Variants in BPNT1 observed in about 807,000 individuals in gnomAD.
BPNT1 encodes 3'(2'), 5'-bisphosphate nucleotidase 1, also known as 3'(2'),5'-bisphosphate nucleotidase 1.
Under a neutral mutation model 36.9 loss-of-function variants are expected in BPNT1, and 28 were observed. The ratio of observed to expected loss-of-function variants is 0.76; its 90% CI spans 0.56 to 1.04. The LOEUF is 1.04. Ranked by LOEUF, BPNT1 falls within the 50% of genes least tolerant of loss-of-function variation. The pLI, the probability that BPNT1 is intolerant of heterozygous loss-of-function variation, is 0.00. For synonymous variants in BPNT1, 119 were observed against 130.9 expected (o/e 0.91, Z 0.62); for missense variants, 313 against 372.9 (o/e 0.84, Z 1.32).
chr1:220,069,406 A>G lies in BPNT1; in HGVS notation c.360T>C (p.Asp120=), dbSNP rs377231446. The change falls in exon 5 of 9, where the codon GAT becomes GAC. Residue 120 remains aspartate (D), a synonymous_variant. Transcript: ENST00000322067. ...EDLVVWVDPL[D]GTKEYTEGLL... ...AACCTTCGGTATATTCCTTGGTTCCATCCAGAGGATCAACCCAGACCACGA... is the reference window on the plus strand; with the variant it reads ...AACCTTCGGTATATTCCTTGGTTCCGTCCAGAGGATCAACCCAGACCACGA... 3 of 1,607,478 alleles carry G rather than the reference A, an allele frequency of 1.9e-6. No homozygotes were observed. The highest frequency in any genetic ancestry group is 2.5e-6 in the Non-Finnish European group (3 of 1,177,274).
At chr1:220,083,563 G>A (rs1655422399) in intron 1 of BPNT1, among the ~76,000 whole-genome samples, 1 of 151,428 alleles carries the variant, frequency 6.6e-6, no homozygotes, top group Non-Finnish European at 1.5e-5. Flanking sequence ...CACTCGCCTC[G>A]GCCTCGCAAA....
At chr1:220,068,733 C>T (rs1663775833) in intron 5 of BPNT1, among the ~76,000 whole-genome samples, 1 of 152,106 alleles carries the variant, frequency 6.6e-6, no homozygotes, top group African/African-American at 2.4e-5. Context: ...CAGCTTGAAC[C>T]TGGGAGGCAG....
chr1:220,060,142 C>A (rs1248117860), intron 7 of BPNT1, among the ~76,000 whole-genome samples: 1 of 152,010 alleles, frequency 6.6e-6, no homozygotes, highest in Non-Finnish European at 1.5e-5. Flanking sequence ...ACATTTACAG[C>A]AGAATTAATT....
intron 1 of BPNT1, among the ~76,000 whole-genome samples, chr1:220,081,678 C>T (rs1655139338): frequency 2.0e-5 from 3 of 152,232 alleles, no homozygotes; most frequent in Middle Eastern, 3.4e-3. Context: ...TGGCTTTCAG[C>T]TGCCATCTTT....
intron 7 of BPNT1, among the ~76,000 whole-genome samples, chr1:220,060,380 G>A (rs949143008): frequency 1.3e-5 from 2 of 152,086 alleles, no homozygotes; most frequent in East Asian, 3.9e-4. Flanking sequence ...GGAGGCTGAG[G>A]CACGAGAATC....
At position 220,079,713 on chromosome 1, in the gene BPNT1, G is replaced by A. The variant is rs140523636; in HGVS notation, c.120+14C>T. Reference sequence around the variant, plus strand: ...AAATCAAGTTGGTATGAAATGATATGAGAGTTTGAGTACCTTCTCCACAAT... The same window carrying A: ...AAATCAAGTTGGTATGAAATGATATAAGAGTTTGAGTACCTTCTCCACAAT... On this transcript the variant is annotated intron_variant, in intron 2 of 8. Coordinates refer to ENST00000322067, the MANE Select transcript of BPNT1 (RefSeq NM_006085.6). 2.9e-4 allele frequency: 469 copies of A among 1,613,540 alleles called. 3 individuals are homozygous for A. The African/African-American group carries it at 5.0e-3, about 17-fold the overall frequency.
intron 4 of BPNT1, among the ~76,000 whole-genome samples, chr1:220,071,663 A>G (rs1202254820): frequency 6.6e-6 from 1 of 152,152 alleles, no homozygotes; most frequent in East Asian, 1.9e-4. Context: ...AGAGTCCATA[A>G]TGAAACCCAT....
At chr1:220,073,346 G>A (rs1664248457) in intron 3 of BPNT1, among the ~76,000 whole-genome samples, 1 of 151,458 alleles carries the variant, frequency 6.6e-6, no homozygotes. Flanking sequence ...TGGAGTGCAG[G>A]GACACCATCT....
chr1:220,065,988 T>A, intron 6 of BPNT1: 1 of 945,458 alleles, frequency 1.1e-6, no homozygotes, highest in South Asian at 1.8e-5. Context: ...GTATGTGGGA[T>A]GTACAATGAC....
In BPNT1 at chr1:220,080,266, G is replaced by A. The variant is rs546078376; in HGVS notation, c.-8-412C>T. Among the ~76,000 whole-genome samples, 20 of 152,288 alleles carry A rather than the reference G, an allele frequency of 1.3e-4. No individual in the cohort carries two copies. The South Asian group carries it at 2.1e-3, about 16-fold the overall frequency. On this transcript the variant is annotated intron_variant, in intron 1 of 8. Coordinates refer to ENST00000322067, the MANE Select transcript of BPNT1 (RefSeq NM_006085.6). ...TGTAGATAAAATAAGGTAACCTAAC[G>A]TCTATAACATAAAACTAGGCAGCGC...
chr1:220,062,424 G>A (rs927961583), intron 7 of BPNT1, among the ~76,000 whole-genome samples: 1 of 151,850 alleles, frequency 6.6e-6, no homozygotes, highest in Non-Finnish European at 1.5e-5. Context: ...ATAGTTTACT[G>A]AGAATGATGA....
At position 220,057,800 on chromosome 1, in the gene BPNT1, A is replaced by G; in HGVS notation, c.*1044T>C. 1 of 1,181,104 alleles carries G rather than the reference A, an allele frequency of 8.5e-7. No homozygotes were observed. Among genetic ancestry groups the G allele is most frequent in the Non-Finnish European group, 1.1e-6 (1 of 878,268 alleles). 73.2% of individuals were successfully genotyped at this position (1,181,104 alleles called of 1,614,324 possible). ...TCATAAGCATATATAATAACATCAT[A>G]TATATTCTTAATTGGAGTAGAAACG... On this transcript the variant is annotated 3_prime_UTR_variant, in exon 9 of 9. Transcript: ENST00000322067.
At position 220,072,852 on chromosome 1, in the gene BPNT1, C is replaced by A; in HGVS notation, c.331G>T (p.Asp111Tyr). 9 of 1,612,480 alleles carry A rather than the reference C, an allele frequency of 5.6e-6. No individual in the cohort carries two copies. Among genetic ancestry groups the A allele is most frequent in the Non-Finnish European group, 7.6e-6 (9 of 1,178,526 alleles). The stretch of plus-strand genomic sequence containing the variant: ...TTGAGTATAAATATGGGTCATACAT[C>A]TTCTTCTTTAATAGCACTGTACTGC... ...PSQYSAIKEE[D>Y]LVVWVDPLDG... The change falls in exon 4 of 9, where the codon GAT becomes TAT. Residue 111 changes from aspartate to tyrosine, a missense_variant and splice_region_variant. Asp to Tyr is a radical substitution (Grantham distance 160). Coordinates refer to ENST00000322067, the MANE Select transcript of BPNT1 (RefSeq NM_006085.6).
At chr1:220,083,212 G>C (rs1655371831) in intron 1 of BPNT1, among the ~76,000 whole-genome samples, 2 of 150,102 alleles carry the variant, frequency 1.3e-5, no homozygotes, top group African/African-American at 4.9e-5. Flanking sequence ...ACTCCAGCCT[G>C]GGCGACAGAG....
chr1:220,068,236 T>C (rs1663721229), intron 5 of BPNT1, among the ~76,000 whole-genome samples: 1 of 151,988 alleles, frequency 6.6e-6, no homozygotes, highest in African/African-American at 2.4e-5. Flanking sequence ...CAGGCTGGAG[T>C]GCAGTGGCAT....
At chr1:220,081,945 C>T (rs1655165178) in intron 1 of BPNT1, among the ~76,000 whole-genome samples, 1 of 151,540 alleles carries the variant, frequency 6.6e-6, no homozygotes, top group Non-Finnish European at 1.5e-5. Flanking sequence ...AAACCTCTTC[C>T]ACTTTATCTC....
chr1:220,083,277 G>A (rs1033185593), intron 1 of BPNT1, among the ~76,000 whole-genome samples: 4 of 150,724 alleles, frequency 2.7e-5, no homozygotes, highest in African/African-American at 4.9e-5. Context: ...AATGAATACC[G>A]TACTGTGACC....
At chr1:220,081,324 C>T (rs1298493976) in intron 1 of BPNT1, among the ~76,000 whole-genome samples, 1 of 152,136 alleles carries the variant, frequency 6.6e-6, no homozygotes. Flanking sequence ...GGGCAGCTCA[C>T]CTGAGGTCAG....
At chr1:220,071,357 T>C (rs1026670046) in intron 4 of BPNT1, among the ~76,000 whole-genome samples, 13 of 152,314 alleles carry the variant, frequency 8.5e-5, no homozygotes, top group African/African-American at 2.2e-4. Context: ...TCTAAAAATA[T>C]AAGGTAGCAA....
Sources: allele counts gnomAD v4.1 joint callset (sites outside exome capture counted in the v4.1 genomes callset), GRCh38; gene constraint gnomAD v4.1.1; transcripts MANE v1.5; gene names NCBI Gene and HGNC (gene_info 2026-07-23, HGNC 2026-07-21).